GRB10: variants seen among roughly 807,000 people sequenced by gnomAD.
GRB10 encodes the protein growth factor receptor bound protein 10.
Under a neutral mutation model 80.9 loss-of-function variants are expected in GRB10, and 20 were observed. That is an observed-to-expected ratio of 0.25 (90% CI 0.17 to 0.36). The LOEUF is 0.36. GRB10 is among the 10% of genes least tolerant of loss of function. The pLI, the probability that GRB10 is intolerant of heterozygous loss-of-function variation, is 1.00. For missense variants in GRB10, 548 were observed against 747.7 expected, an observed-to-expected ratio of 0.73 and a Z score of 3.12; for synonymous variants, 291 against 291.5, an observed-to-expected ratio of 1.00 and a Z score of 0.02.
chr7:50,676,341 G>T (rs868071538), intron 5 of GRB10, among the ~76,000 whole-genome samples: 11 of 150,300 alleles, frequency 7.3e-5, no homozygotes, highest in East Asian at 5.9e-4. Context: ...CCACCGGGGG[G>T]GGGGGGGGGT....
intron 2 of GRB10, among the ~76,000 whole-genome samples, chr7:50,777,026 C>T (rs1349877082): frequency 1.2e-5 from 1 of 80,314 alleles, no homozygotes; most frequent in East Asian, 3.2e-4. Flanking sequence ...TAACAACACC[C>T]ACTCTCAGTA....
intron 3 of GRB10, 136 bp from the exon 4 acceptor site, chr7:50,732,504 T>G (rs369487700): frequency 1.5e-6 from 1 of 648,224 alleles, no homozygotes; most frequent in Non-Finnish European, 2.7e-6. Context: ...GGACACTTGC[T>G]CGGGGCACCA....
At chr7:50,703,613 G>C (rs146487652) in intron 5 of GRB10, among the ~76,000 whole-genome samples, 142 of 152,340 alleles carry the variant, frequency 9.3e-4, no homozygotes, top group Middle Eastern at 3.4e-3. Context: ...TTTGCTCACT[G>C]AAGTTTGCTA....
Position 50,614,866 on chromosome 7 carries a change from C to T in GRB10, c.999G>A (p.Leu333=), listed in dbSNP as rs1303448833. The T allele has an allele frequency of 6.2e-7, 1 of 1,613,106 alleles. No individual in the cohort carries two copies. Among genetic ancestry groups the T allele is most frequent in the Admixed American group, 1.7e-5 (1 of 60,024 alleles). The change falls in exon 12 of 19, where the codon CTG becomes CTA. Residue 333 remains leucine, a synonymous_variant. Coordinates refer to ENST00000401949, the MANE Select transcript of GRB10 (RefSeq NM_001350814.2). ...TGTCCTCCAGGTCGGCCAGCAGCTG[C>T]AGGTGTCTGGGTTCCTGTGACAACA... ...TKGTSKEPRH[L]QLLADLEDSN... is the part of the protein sequence containing the mutation.
intron 5 of GRB10, among the ~76,000 whole-genome samples, chr7:50,674,982 G>C (rs1052036872): frequency 2.0e-5 from 3 of 151,968 alleles, no homozygotes; most frequent in Non-Finnish European, 2.9e-5. Flanking sequence ...CCGGTAGGCC[G>C]CACACAGCCA....
intron 7 of GRB10, among the ~76,000 whole-genome samples, chr7:50,634,138 T>C (rs1032046277): frequency 3.3e-5 from 5 of 152,212 alleles, no homozygotes; most frequent in African/African-American, 7.2e-5. Context: ...AGCAGTTAGA[T>C]AGAAGTGTCA....
At chr7:50,793,382 C>T (rs1413460104) in exon 1 of GRB10, 2 of 148,704 alleles carry the variant, frequency 1.3e-5, no homozygotes, top group African/African-American at 2.4e-5. Context: ...TGCGCGGAAA[C>T]TTTGGGCTCC....
At chr7:50,666,444 C>T (rs1395142619) in intron 7 of GRB10, among the ~76,000 whole-genome samples, 1 of 152,196 alleles carries the variant, frequency 6.6e-6, no homozygotes, top group African/African-American at 2.4e-5. Context: ...TCCCCTCCTT[C>T]CTTTCATCAA....
chr7:50,692,297 C>T (rs763780847), intron 5 of GRB10, among the ~76,000 whole-genome samples: 5 of 152,104 alleles, frequency 3.3e-5, no homozygotes, highest in Non-Finnish European at 7.4e-5. Context: ...TGTACACACA[C>T]ACACACACAC....
At chr7:50,665,949 G>A (rs2059756798) in intron 7 of GRB10, among the ~76,000 whole-genome samples, 1 of 152,152 alleles carries the variant, frequency 6.6e-6, no homozygotes, top group Non-Finnish European at 1.5e-5. Flanking sequence ...CAAGCCCCAT[G>A]GGTACCCTTA....
rs986785412 is a variant in GRB10 at position 50,590,968 on chromosome 7, G to A, written c.*1984C>T. 1 of 152,186 alleles carries A rather than the reference G, an allele frequency of 6.6e-6. No individual in the cohort carries two copies. The highest frequency in any genetic ancestry group is 1.5e-5 in the Non-Finnish European group (1 of 68,042). The allele number at this position is 152,186 out of a possible 1,614,324, so 9.4% of individuals were successfully genotyped here. A position where few individuals can be genotyped will look rare whatever the true frequency, so the allele number is the denominator to read the frequency against. ...TGAGAGAGAGATTATACACTGATGG[G>A]ACTGGTCTACGTACACAGAAAAAAG... On this transcript the variant is annotated 3_prime_UTR_variant, in exon 19 of 19. Transcript: ENST00000401949.
At chr7:50,772,376 G>T (rs2077071600) in intron 2 of GRB10, among the ~76,000 whole-genome samples, 1 of 152,210 alleles carries the variant, frequency 6.6e-6, no homozygotes, top group Non-Finnish European at 1.5e-5. Flanking sequence ...AGAGTCCCAG[G>T]ACAGTCAAAG....
chr7:50,693,087 G>A (rs1478269745), intron 5 of GRB10, among the ~76,000 whole-genome samples: 1 of 152,142 alleles, frequency 6.6e-6, no homozygotes, highest in Non-Finnish European at 1.5e-5. Flanking sequence ...AGAATCTAAA[G>A]TGCAAAGTGA....
chr7:50,725,589 A>C (rs2068515952), intron 4 of GRB10, among the ~76,000 whole-genome samples: 1 of 152,216 alleles, frequency 6.6e-6, no homozygotes. Context: ...AGACTTTGAT[A>C]AGTGATTTCA....
intron 5 of GRB10, among the ~76,000 whole-genome samples, chr7:50,695,687 T>TA (rs1430701115): frequency 1.8e-4 from 28 of 152,196 alleles, no homozygotes; most frequent in Non-Finnish European, 3.5e-4. Flanking sequence ...GAGGTGAACT[T>TA]ACAGGAATTT....
At chr7:50,612,995 C>T (rs553750757) in intron 12 of GRB10, among the ~76,000 whole-genome samples, 156 bp from the exon 13 acceptor site, 104 of 152,296 alleles carry the variant, frequency 6.8e-4, no homozygotes, top group Admixed American at 3.3e-3. Context: ...GTGTGTTAAG[C>T]GTTCATTCAT....
intron 3 of GRB10, among the ~76,000 whole-genome samples, chr7:50,734,427 A>G (rs2153693683): frequency 6.7e-6 from 1 of 150,268 alleles, no homozygotes; most frequent in East Asian, 2.0e-4. Context: ...CCGCTGGGTG[A>G]CAGTTCTGCC....
In GRB10 at chr7:50,721,027, GA is replaced by G. The variant is rs545969553; in HGVS notation, c.51+11244del. 1.1e-4 allele frequency among the ~76,000 whole-genome samples: 16 copies of G among 152,278 alleles called. No individual in the cohort carries two copies. The East Asian group carries it at 2.9e-3, about 27-fold the overall frequency. ...AAGAAAAGAAACGCCCTGCTTCATT[GA>G]AAAGTTTCATAAATTGTTAACATGA... is the stretch of plus-strand genomic sequence containing the variant. On this transcript the variant is annotated intron_variant, in intron 4 of 18. Coordinates refer to ENST00000401949, the MANE Select transcript of GRB10 (RefSeq NM_001350814.2).
chr7:50,736,896 G>T (rs2070887467), intron 3 of GRB10, among the ~76,000 whole-genome samples: 1 of 152,156 alleles, frequency 6.6e-6, no homozygotes, highest in South Asian at 2.1e-4. Context: ...AACTCAAAAT[G>T]TATGAAAGAC....
Sources: gnomAD v4.1 joint callset for allele counts (sites outside exome capture counted in the v4.1 genomes callset) on GRCh38, gnomAD v4.1.1 for gene constraint, MANE v1.5 for transcripts, NCBI Gene and HGNC (gene_info 2026-07-23, HGNC 2026-07-21) for gene names.